Variants in PRKN observed in about 807,000 individuals in gnomAD.
The protein encoded by PRKN is E3 ubiquitin-protein ligase parkin.
PRKN carries 56 observed loss-of-function variants against 59.5 expected under a neutral mutation model. That is an observed-to-expected ratio of 0.94 (90% CI 0.76 to 1.18). The LOEUF (loss-of-function observed/expected upper bound fraction) is 1.18, where lower values mean the gene tolerates loss of function less well. Among genes scored for constraint, PRKN ranks in the 50% most tolerant of loss-of-function variants. The probability of loss-of-function intolerance (pLI) is 0.00; values close to 1 mark genes in which losing one functional copy is unlikely to be tolerated. For missense variants in PRKN, 657 were observed against 596.4 expected (o/e 1.10, Z -1.06); for synonymous variants, 250 against 222.1 (o/e 1.13, Z -1.12).
chr6:161,464,456 AT>A (rs1790356285), intron 9 of PRKN, among the ~76,000 whole-genome samples: 1 of 152,342 alleles, frequency 6.6e-6, no homozygotes, highest in East Asian at 1.9e-4. Flanking sequence ...TTTATATAAT[AT>A]GAAATATGTC....
intron 7 of PRKN, among the ~76,000 whole-genome samples, chr6:161,688,610 C>T (rs1785656377): frequency 6.6e-6 from 1 of 152,116 alleles, no homozygotes; most frequent in Admixed American, 6.5e-5. Flanking sequence ...CCTGTGATGG[C>T]CAGGTACTAG....
Position 161,483,374 on chromosome 6 carries a change from A to G in PRKN, c.1083+65480T>C, listed in dbSNP as rs1159746952. On this transcript the variant is annotated intron_variant, in intron 9 of 11. Transcript: ENST00000366898. The surrounding 1 kb of genome is among the most constrained non-coding windows in gnomAD (Gnocchi z 5.0). ...CATGTCGGCTTCCCCCTGAAAATCC[A>G]TGATAAAGATTGAGCGTGGTTGAAA... is the stretch of plus-strand genomic sequence containing the variant. Among the ~76,000 whole-genome samples, 3 of 152,160 alleles carry G rather than the reference A, an allele frequency of 2.0e-5. No individual in the cohort carries two copies. Among genetic ancestry groups the G allele is most frequent in the Non-Finnish European group, 2.9e-5 (2 of 68,020 alleles).
At chr6:162,069,994 T>G (rs1778506867) in intron 4 of PRKN, among the ~76,000 whole-genome samples, 1 of 152,224 alleles carries the variant, frequency 6.6e-6, no homozygotes, top group South Asian at 2.1e-4. Context: ...GGCATCACCT[T>G]GCATTAGTAT....
chr6:162,631,261 A>G (rs1478488803), intron 1 of PRKN, among the ~76,000 whole-genome samples: 3 of 152,200 alleles, frequency 2.0e-5, no homozygotes, highest in Non-Finnish European at 4.4e-5. Context: ...GCACTCAAAT[A>G]TATTAAATAG....
chr6:162,508,218 C>T (rs778822153), intron 1 of PRKN, among the ~76,000 whole-genome samples: 8 of 152,176 alleles, frequency 5.3e-5, no homozygotes, highest in Non-Finnish European at 1.2e-4. Context: ...TTACTCACTA[C>T]TGTGAGAACA....
chr6:162,719,177 C>T (rs977810865), intron 1 of PRKN, among the ~76,000 whole-genome samples: 6 of 152,176 alleles, frequency 3.9e-5, no homozygotes, highest in Non-Finnish European at 7.3e-5. Flanking sequence ...CCATCTGATC[C>T]TATGAATTCA....
chr6:162,085,016 T>C (rs1583009384), intron 4 of PRKN, among the ~76,000 whole-genome samples: 1 of 150,624 alleles, frequency 6.6e-6, no homozygotes, highest in Non-Finnish European at 1.5e-5. Context: ...CACTCATTGC[T>C]ATATTGATAC....
intron 4 of PRKN, among the ~76,000 whole-genome samples, chr6:162,189,980 A>C (rs1268630557): frequency 6.6e-6 from 1 of 152,140 alleles, no homozygotes; most frequent in Non-Finnish European, 1.5e-5. Context: ...TGTATGCACA[A>C]CTGAAGATTC....
chr6:161,902,564 A>ATCTATTTTTTTTTTTTTTTTTTTT (rs1242030157), intron 6 of PRKN, among the ~76,000 whole-genome samples: 4 of 112,046 alleles, frequency 3.6e-5, no homozygotes, highest in Non-Finnish European at 5.4e-5. Context: ...TTATTTATTT[A>ATCTATTTTTTTTTTTTTTTTTTTT]TTTTTTTTTT....
At chr6:162,482,115 A>G (rs1792334297) in intron 1 of PRKN, among the ~76,000 whole-genome samples, 1 of 152,140 alleles carries the variant, frequency 6.6e-6, no homozygotes, top group Non-Finnish European at 1.5e-5. Flanking sequence ...TACTCAGATA[A>G]TGAAAAGTGG....
intron 9 of PRKN, among the ~76,000 whole-genome samples, chr6:161,426,870 C>T (rs1283970235): frequency 1.3e-5 from 2 of 151,984 alleles, no homozygotes; most frequent in East Asian, 3.9e-4. Flanking sequence ...AGGCACCTGC[C>T]ACCACGCCTG....
At chr6:161,902,112 A>G (rs553650848) in intron 6 of PRKN, among the ~76,000 whole-genome samples, 3 of 152,188 alleles carry the variant, frequency 2.0e-5, no homozygotes, top group East Asian at 1.9e-4. Context: ...TTGACTTGAG[A>G]AAAATAGGAG....
At chr6:162,576,927 G>C (rs1280857833) in intron 1 of PRKN, among the ~76,000 whole-genome samples, 1 of 152,046 alleles carries the variant, frequency 6.6e-6, no homozygotes, top group Non-Finnish European at 1.5e-5. Context: ...TTTACCATCA[G>C]GGTGGGCTCA....
chr6:162,255,828 G>C (rs959963525), intron 3 of PRKN, among the ~76,000 whole-genome samples: 1 of 152,136 alleles, frequency 6.6e-6, no homozygotes, highest in Non-Finnish European at 1.5e-5. Context: ...TATTCAGTGC[G>C]TAGTATATAC....
chr6:162,699,120 A>G (rs1305293487), intron 1 of PRKN, among the ~76,000 whole-genome samples: 1 of 152,200 alleles, frequency 6.6e-6, no homozygotes, highest in African/African-American at 2.4e-5. Flanking sequence ...GGTGTCTTAC[A>G]TGTCAATATG....
chr6:162,638,205 C>CACA (rs879289836), intron 1 of PRKN, among the ~76,000 whole-genome samples: 35,072 of 151,688 alleles, frequency 0.23, 4,813 homozygotes, highest in African/African-American at 0.37. Flanking sequence ...TAATATTATC[C>CACA]CTATGTTTAT....
intron 6 of PRKN, among the ~76,000 whole-genome samples, chr6:161,851,986 C>A (rs1274981452): frequency 6.6e-6 from 1 of 150,866 alleles, no homozygotes; most frequent in Non-Finnish European, 1.5e-5. Flanking sequence ...GCTCAAGAGG[C>A]TGAGGCAGGA....
At chr6:162,669,600 T>C (rs1779245308) in intron 1 of PRKN, among the ~76,000 whole-genome samples, 1 of 152,200 alleles carries the variant, frequency 6.6e-6, no homozygotes, top group Non-Finnish European at 1.5e-5. Context: ...TACCAGTGAC[T>C]TTCTGGATGC....
chr6:161,546,400 A>G lies in PRKN; in HGVS notation c.1083+2454T>C, dbSNP rs1422343613. On this transcript the variant is annotated intron_variant, in intron 9 of 11. Coordinates refer to ENST00000366898, the MANE Select transcript of PRKN (RefSeq NM_004562.3). The surrounding 1 kb of genome is among the most constrained non-coding windows in gnomAD (Gnocchi z 4.4). ...GTGGAATTCCTTTAGCATTCAAGTT[A>G]GGTGAATATCCTTCTGTGAAAGTTT... Among the ~76,000 whole-genome samples the G allele has an allele frequency of 6.6e-6, 1 of 152,180 alleles. No homozygotes were observed. The highest frequency in any genetic ancestry group is 1.5e-5 in the Non-Finnish European group (1 of 68,036).
Sources: gnomAD v4.1 joint callset for allele counts (sites outside exome capture counted in the v4.1 genomes callset) on GRCh38, gnomAD v4.1.1 for gene constraint, Gnocchi (gnomAD v3.1) non-coding constraint, MANE v1.5 for transcripts, NCBI Gene and HGNC (gene_info 2026-07-23, HGNC 2026-07-21) for gene names.